Variants in SAMD12 observed in about 807,000 individuals in gnomAD.
SAMD12 encodes sterile alpha motif domain-containing protein 12.
A neutral mutation model predicts 15.0 loss-of-function variants in SAMD12; 9 were observed. That is an observed-to-expected ratio of 0.60 (90% CI 0.36 to 1.05). The LOEUF (loss-of-function observed/expected upper bound fraction) is 1.05, where lower values mean the gene tolerates loss of function less well. Among genes scored for constraint, SAMD12 ranks in the 50% least tolerant of loss-of-function variants. The pLI is 0.01. For missense variants in SAMD12, 230 were observed against 234.2 expected (o/e 0.98, Z 0.12); for synonymous variants, 86 against 90.1 (o/e 0.96, Z 0.25).
At chr8:118,467,074 A>T (rs1480432138) in intron 2 of SAMD12, among the ~76,000 whole-genome samples, 1 of 152,218 alleles carries the variant, frequency 6.6e-6, no homozygotes, top group African/African-American at 2.4e-5. Flanking sequence ...GGCAGCTGGG[A>T]ACAGAAAATG....
At chr8:118,216,784 C>T (rs551882405) in intron 4 of SAMD12, among the ~76,000 whole-genome samples, 63 of 152,078 alleles carry the variant, frequency 4.1e-4, no homozygotes, top group Non-Finnish European at 7.9e-4. Flanking sequence ...CAGTAAGTTT[C>T]AGCAATCTGG....
intron 4 of SAMD12, among the ~76,000 whole-genome samples, chr8:118,220,330 C>T (rs1410458111): frequency 6.6e-6 from 1 of 152,156 alleles, no homozygotes; most frequent in Non-Finnish European, 1.5e-5. Context: ...TATCTATCCA[C>T]TATTTAAATC....
intron 2 of SAMD12, among the ~76,000 whole-genome samples, chr8:118,558,447 A>T (rs1826607191): frequency 6.6e-6 from 1 of 152,236 alleles, no homozygotes; most frequent in African/African-American, 2.4e-5. Context: ...AGTAAGATAT[A>T]ACATCTTGAT....
intron 4 of SAMD12, among the ~76,000 whole-genome samples, chr8:118,234,932 C>T (rs1812395437): frequency 6.6e-6 from 1 of 152,014 alleles, no homozygotes; most frequent in African/African-American, 2.4e-5. Context: ...TTTTTATCCA[C>T]TTTTTCTTAC....
intron 2 of SAMD12, among the ~76,000 whole-genome samples, chr8:118,448,004 A>C (rs1822970319): frequency 6.6e-6 from 1 of 152,142 alleles, no homozygotes; most frequent in South Asian, 2.1e-4. Context: ...CTGGGATTAC[A>C]GGCGTGAGCC....
intron 4 of SAMD12, among the ~76,000 whole-genome samples, chr8:118,338,472 G>A (rs539605209): frequency 1.3e-5 from 2 of 152,218 alleles, no homozygotes; most frequent in South Asian, 2.1e-4. Flanking sequence ...ATGTGGAAAC[G>A]GACTAAAAAA....
At chr8:118,317,018 G>A (rs10102483) in intron 4 of SAMD12, among the ~76,000 whole-genome samples, 72,436 of 151,674 alleles carry the variant, frequency 0.48, 19,849 homozygotes, top group African/African-American at 0.77. Flanking sequence ...CACTAATCCA[G>A]TATGACTGAT....
chr8:118,371,781 T>A (rs544782261), intron 4 of SAMD12, among the ~76,000 whole-genome samples: 4 of 152,126 alleles, frequency 2.6e-5, no homozygotes, highest in Non-Finnish European at 5.9e-5. Flanking sequence ...AGGGGATGCT[T>A]AAGCGGTAGA....
chr8:118,175,813 C>T, the SAMD12 span, among the ~76,000 whole-genome samples: 5 of 152,046 alleles, frequency 3.3e-5, no homozygotes, highest in East Asian at 9.6e-4. Flanking sequence ...GTCAGAATGG[C>T]TATTATTAAA....
At chr8:118,271,909 G>A (rs1204911770) in intron 4 of SAMD12, among the ~76,000 whole-genome samples, 1 of 152,216 alleles carries the variant, frequency 6.6e-6, no homozygotes, top group Non-Finnish European at 1.5e-5. Flanking sequence ...TTCATGGGCT[G>A]GCATTGAGTG....
intron 1 of SAMD12, among the ~76,000 whole-genome samples, chr8:118,592,119 C>G (rs945908018): frequency 6.6e-6 from 1 of 152,002 alleles, no homozygotes; most frequent in Non-Finnish European, 1.5e-5. Flanking sequence ...GTCGGGAGTT[C>G]GAGACCAGCC....
the SAMD12 span, among the ~76,000 whole-genome samples, chr8:118,175,464 G>T: frequency 6.6e-6 from 1 of 152,118 alleles, no homozygotes; most frequent in Non-Finnish European, 1.5e-5. Flanking sequence ...CTCCAAAAGC[G>T]ATTGCAACAA....
intron 1 of SAMD12, among the ~76,000 whole-genome samples, chr8:118,591,879 G>A (rs891028513): frequency 2.0e-5 from 3 of 152,176 alleles, no homozygotes; most frequent in Admixed American, 2.0e-4. Context: ...ACATATGACA[G>A]TTGGGTATTT....
At chr8:118,514,234 G>A (rs180788747) in intron 2 of SAMD12, among the ~76,000 whole-genome samples, 331 of 152,240 alleles carry the variant, frequency 2.2e-3, no homozygotes, top group African/African-American at 7.3e-3. Flanking sequence ...TGGGCTGAGG[G>A]ACCACAATAG....
intron 2 of SAMD12, among the ~76,000 whole-genome samples, chr8:118,543,919 G>A (rs551830728): frequency 1.6e-4 from 24 of 151,582 alleles, no homozygotes; most frequent in Non-Finnish European, 3.1e-4. Context: ...AAATAACCGG[G>A]GCTAAATGAA....
intron 4 of SAMD12, among the ~76,000 whole-genome samples, chr8:118,370,785 G>C (rs1819054951): frequency 6.6e-6 from 1 of 152,022 alleles, no homozygotes; most frequent in African/African-American, 2.4e-5. Flanking sequence ...GGCCTGTCAG[G>C]GTGGAGGGTG....
chr8:118,300,900 C>G (rs948171225), intron 4 of SAMD12, among the ~76,000 whole-genome samples: 1 of 152,308 alleles, frequency 6.6e-6, no homozygotes, highest in African/African-American at 2.4e-5. Context: ...GTAAACACAT[C>G]TTACCTATTT....
chr8:118,351,208 A>G (rs1563785974), intron 4 of SAMD12, among the ~76,000 whole-genome samples: 1 of 152,222 alleles, frequency 6.6e-6, no homozygotes, highest in Non-Finnish European at 1.5e-5. Context: ...TCAACTACAC[A>G]TTAATTATGA....
chr8:118,177,076 T>C, the SAMD12 span, among the ~76,000 whole-genome samples: 1,061 of 152,022 alleles, frequency 7.0e-3, 17 homozygotes, highest in African/African-American at 0.024. Flanking sequence ...TGGGAATGAG[T>C]GGATGCGTTT....
Sources: gnomAD v4.1 joint callset for allele counts (sites outside exome capture counted in the v4.1 genomes callset) on GRCh38, gnomAD v4.1.1 for gene constraint, MANE v1.5 for transcripts, NCBI Gene and HGNC (gene_info 2026-07-23, HGNC 2026-07-21) for gene names.